Variants in MPC1 observed in about 807,000 individuals in gnomAD.
MPC1 encodes the protein HSPC040 protein.
In MPC1, 6 loss-of-function variants were observed where a neutral mutation model predicts 13.9. The observed-to-expected ratio is 0.43, with a 90% CI of 0.24 to 0.85. The LOEUF is 0.85. MPC1 is among the 40% of genes least tolerant of loss of function. The pLI, the probability that MPC1 is intolerant of heterozygous loss-of-function variation, is 0.24. For missense variants in MPC1, 115 were observed against 143.3 expected, an observed-to-expected ratio of 0.80 and a Z score of 1.01; for synonymous variants, 47 against 50.5, an observed-to-expected ratio of 0.93 and a Z score of 0.29.
intron 1 of MPC1, 66 bp downstream of exon 1, chr6:166,382,740 C>A: frequency 6.7e-7 from 1 of 1,487,688 alleles, no homozygotes; most frequent in Admixed American, 2.2e-5. Context: ...TCGTCGCGGA[C>A]TGCACGGGTC....
At chr6:166,372,708 A>C (rs1203973796) in intron 1 of MPC1, among the ~76,000 whole-genome samples, 1 of 150,914 alleles carries the variant, frequency 6.6e-6, no homozygotes, top group Non-Finnish European at 1.5e-5. Context: ...CAAATTAGAA[A>C]AAAAAATGCT....
chr6:166,375,973 G>A (rs1433544442), intron 1 of MPC1, among the ~76,000 whole-genome samples: 4 of 152,008 alleles, frequency 2.6e-5, no homozygotes, highest in Non-Finnish European at 4.4e-5. Flanking sequence ...TATGATGGAG[G>A]GGTGAAATCT....
At chr6:166,377,926 C>T (rs1486813406) in intron 1 of MPC1, among the ~76,000 whole-genome samples, 1 of 152,162 alleles carries the variant, frequency 6.6e-6, no homozygotes, top group Non-Finnish European at 1.5e-5. Flanking sequence ...AGCAGTTTGG[C>T]AGAGAAAAGG....
At chr6:166,380,846 G>C (rs1779743258) in intron 1 of MPC1, among the ~76,000 whole-genome samples, 1 of 148,394 alleles carries the variant, frequency 6.7e-6, no homozygotes, top group Non-Finnish European at 1.5e-5. Context: ...AGCTAAGGTA[G>C]GAAAATCACT....
chr6:166,381,906 A>G, intron 1 of MPC1: 1 of 764,334 alleles, frequency 1.3e-6, no homozygotes, highest in South Asian at 6.0e-5. Context: ...AGGCCAGCAC[A>G]TTTTATTTCC....
chr6:166,374,831 T>C (rs1355482724), intron 1 of MPC1, among the ~76,000 whole-genome samples: 2 of 152,240 alleles, frequency 1.3e-5, no homozygotes, highest in South Asian at 2.1e-4. Flanking sequence ...CCACGCTGTC[T>C]GGATTACTGT....
intron 2 of MPC1, 87 bp from the exon 3 acceptor site, chr6:166,366,978 T>A (rs748356133): frequency 1.2e-6 from 2 of 1,601,340 alleles, no homozygotes; most frequent in Admixed American, 1.7e-5. Flanking sequence ...CTTTAAATAA[T>A]CACGTGAAAC....
intron 2 of MPC1, among the ~76,000 whole-genome samples, chr6:166,368,415 C>T (rs1373946308): frequency 2.0e-5 from 3 of 151,928 alleles, no homozygotes; most frequent in Non-Finnish European, 4.4e-5. Flanking sequence ...AATTAGCCAG[C>T]GTGGTGGCAG....
At chr6:166,367,120 G>A (rs1346498654) in intron 2 of MPC1, 32 of 1,353,086 alleles carry the variant, frequency 2.4e-5, no homozygotes, top group Middle Eastern at 5.7e-4. Flanking sequence ...GAGCTAGAAA[G>A]GGTTTGGCAG....
intron 1 of MPC1, among the ~76,000 whole-genome samples, chr6:166,374,578 T>C (rs1779502879): frequency 6.6e-6 from 1 of 152,238 alleles, no homozygotes; most frequent in Non-Finnish European, 1.5e-5. Context: ...AGGTCTGTGA[T>C]CCTTTTTGGG....
chr6:166,378,418 A>ATGTGTG (rs3049292), intron 1 of MPC1, among the ~76,000 whole-genome samples: 9,784 of 149,914 alleles, frequency 0.065, 851 homozygotes, highest in African/African-American at 0.2. Flanking sequence ...ATACAAATAC[A>ATGTGTG]TGTGTGTGTG....
chr6:166,370,994 T>G (rs1026177734), intron 1 of MPC1, among the ~76,000 whole-genome samples: 1 of 152,250 alleles, frequency 6.6e-6, no homozygotes, highest in East Asian at 1.9e-4. Context: ...ATACAATTAT[T>G]TGGACTCTAG....
intron 2 of MPC1, chr6:166,369,864 T>C: frequency 2.5e-6 from 1 of 407,130 alleles, no homozygotes; most frequent in Non-Finnish European, 4.6e-6. Context: ...GCCATGGAAA[T>C]GAACTCCACC....
At chr6:166,366,922 G>A in intron 2 of MPC1, 31 bp from the exon 3 acceptor site, 1 of 1,613,486 alleles carries the variant, frequency 6.2e-7, no homozygotes, top group Non-Finnish European at 8.5e-7. Context: ...AGAATGAAGA[G>A]AGGAAAAAGT....
intron 1 of MPC1, among the ~76,000 whole-genome samples, chr6:166,381,042 C>T (rs2114982541): frequency 6.6e-6 from 1 of 151,332 alleles, no homozygotes; most frequent in South Asian, 2.1e-4. Flanking sequence ...AATTTTACCA[C>T]ACAATGTTAT....
intron 1 of MPC1, among the ~76,000 whole-genome samples, chr6:166,380,957 A>G (rs913462663): frequency 2.6e-5 from 4 of 151,506 alleles, no homozygotes; most frequent in Admixed American, 6.6e-5. Context: ...AAAAAAAAAA[A>G]AAAAAAAGAA....
intron 2 of MPC1, among the ~76,000 whole-genome samples, chr6:166,369,257 C>T (rs951869976): frequency 6.6e-6 from 1 of 152,162 alleles, no homozygotes; most frequent in Admixed American, 6.5e-5. Flanking sequence ...CACAAATTAG[C>T]TGGGTGTGGT....
At chr6:166,368,658 A>G in intron 2 of MPC1, 1 of 378,674 alleles carries the variant, frequency 2.6e-6, no homozygotes, top group Non-Finnish European at 3.6e-6. Context: ...TAGATGCAAT[A>G]TGGCCAGTTT....
intron 1 of MPC1, among the ~76,000 whole-genome samples, chr6:166,378,747 G>C (rs947898806): frequency 5.3e-5 from 8 of 152,152 alleles, no homozygotes; most frequent in Non-Finnish European, 1.2e-4. Flanking sequence ...ATCAAGGTAA[G>C]TAACAAGAGA....
Sources: allele counts gnomAD v4.1 joint callset (sites outside exome capture counted in the v4.1 genomes callset), GRCh38; gene constraint gnomAD v4.1.1; transcripts MANE v1.5; gene names NCBI Gene and HGNC (gene_info 2026-07-23, HGNC 2026-07-21).